The following SMYD3 variants were observed in gnomAD, a reference collection of about 807,000 sequenced individuals.
The protein encoded by SMYD3 is histone-lysine N-methyltransferase SMYD3.
In SMYD3, 36 loss-of-function variants were observed where a neutral mutation model predicts 57.7. The observed-to-expected ratio is 0.62, with a 90% CI of 0.48 to 0.82. The LOEUF (loss-of-function observed/expected upper bound fraction) is 0.82. Ranked by LOEUF, SMYD3 falls within the 40% of genes least tolerant of loss-of-function variation. The pLI is 0.00. For synonymous variants in SMYD3, 211 were observed against 195.0 expected (o/e 1.08, Z -0.68); for missense variants, 515 against 538.8 (o/e 0.96, Z 0.44).
At chr1:246,083,934 T>C (rs913895530) in intron 5 of SMYD3, among the ~76,000 whole-genome samples, 8 of 152,132 alleles carry the variant, frequency 5.3e-5, no homozygotes, top group African/African-American at 1.4e-4. Context: ...TATGAAAAAT[T>C]TGAAAATATG....
chr1:246,029,887 G>A (rs1226091694), intron 5 of SMYD3, among the ~76,000 whole-genome samples: 1 of 151,774 alleles, frequency 6.6e-6, no homozygotes, highest in African/African-American at 2.4e-5. Flanking sequence ...ACACACTGTT[G>A]GTGGGAATGC....
intron 2 of SMYD3, among the ~76,000 whole-genome samples, chr1:246,337,279 T>C (rs1202368838): frequency 2.0e-5 from 3 of 152,204 alleles, no homozygotes; most frequent in Admixed American, 2.0e-4. Context: ...TCCTAAAAGT[T>C]CTAAAAGTCT....
intron 5 of SMYD3, among the ~76,000 whole-genome samples, chr1:245,986,783 A>T (rs893366121): frequency 2.0e-5 from 3 of 152,250 alleles, no homozygotes; most frequent in Admixed American, 6.5e-5. Context: ...TGCTAAGTGC[A>T]TTGAAACAGG....
At chr1:246,364,799 C>G (rs2066072068) in intron 1 of SMYD3, among the ~76,000 whole-genome samples, 1 of 152,180 alleles carries the variant, frequency 6.6e-6, no homozygotes, top group Non-Finnish European at 1.5e-5. Flanking sequence ...AAGCCAAACC[C>G]AAACAATCGG....
At chr1:246,346,829 A>C (rs952941430) in intron 2 of SMYD3, among the ~76,000 whole-genome samples, 1 of 152,236 alleles carries the variant, frequency 6.6e-6, no homozygotes, top group Non-Finnish European at 1.5e-5. Flanking sequence ...GAAGAGACAG[A>C]GCGAGCATTA....
At chr1:246,247,459 CTCTCTCTA>C (rs1558346890) in intron 5 of SMYD3, among the ~76,000 whole-genome samples, 3 of 95,758 alleles carry the variant, frequency 3.1e-5, no homozygotes, top group African/African-American at 1.2e-4. Flanking sequence ...CTCTCTCTCT[CTCTCTCTA>C]TATATATATA....
chr1:246,370,428 G>A (rs2066175571), intron 1 of SMYD3, among the ~76,000 whole-genome samples: 1 of 152,154 alleles, frequency 6.6e-6, no homozygotes, highest in African/African-American at 2.4e-5. Context: ...ACTATTTTGG[G>A]GGACAAGGAA....
intron 5 of SMYD3, among the ~76,000 whole-genome samples, chr1:246,184,469 T>C (rs1280499397): frequency 6.6e-6 from 1 of 152,208 alleles, no homozygotes; most frequent in East Asian, 1.9e-4. Flanking sequence ...AGACTACTTC[T>C]TGCCATCCTC....
At chr1:245,995,593 A>G (rs10802315) in intron 5 of SMYD3, among the ~76,000 whole-genome samples, 121,745 of 152,210 alleles carry the variant, frequency 0.8, 50,365 homozygotes, top group Non-Finnish European at 0.89. Flanking sequence ...GACTCTGCTC[A>G]GTGCCTCAGG....
chr1:246,305,820 G>C (rs1047454663), intron 5 of SMYD3: 1 of 152,172 alleles, frequency 6.6e-6, no homozygotes, highest in Admixed American at 6.5e-5. Flanking sequence ...CTTAATAAAT[G>C]AGTATGATAT....
chr1:245,779,645 C>T (rs1248943860), intron 10 of SMYD3, among the ~76,000 whole-genome samples: 3 of 152,210 alleles, frequency 2.0e-5, no homozygotes, highest in Admixed American at 6.5e-5. Flanking sequence ...AGCTATGAAT[C>T]TTGTTTTATA....
chr1:245,884,263 G>A (rs532827494), intron 8 of SMYD3, among the ~76,000 whole-genome samples: 6 of 152,264 alleles, frequency 3.9e-5, no homozygotes, highest in African/African-American at 1.4e-4. Context: ...GGTTGTCTGG[G>A]GTAAATACCC....
At chr1:246,200,478 C>T (rs368215788) in intron 5 of SMYD3, among the ~76,000 whole-genome samples, 10 of 151,380 alleles carry the variant, frequency 6.6e-5, no homozygotes, top group South Asian at 2.1e-4. Context: ...TGTACACAGA[C>T]GCCCACTGTA....
At chr1:246,156,957 C>T (rs374592234) in intron 5 of SMYD3, among the ~76,000 whole-genome samples, 2 of 152,260 alleles carry the variant, frequency 1.3e-5, no homozygotes, top group Non-Finnish European at 2.9e-5. Flanking sequence ...AACAATCCAA[C>T]GTAGGCACCA....
At chr1:246,071,615 C>CA (rs1228456579) in intron 5 of SMYD3, among the ~76,000 whole-genome samples, 1 of 151,914 alleles carries the variant, frequency 6.6e-6, no homozygotes, top group African/African-American at 2.4e-5. Context: ...CCTTTAAAAA[C>CA]AAAAAAGGCC....
At chr1:245,926,218 A>G (rs970793003) in intron 7 of SMYD3, among the ~76,000 whole-genome samples, 76 of 152,238 alleles carry the variant, frequency 5.0e-4, no homozygotes, top group African/African-American at 1.8e-3. Context: ...ATTTGGGGAT[A>G]AAGTTTTCAA....
chr1:246,405,208 T>C (rs2066841572), intron 1 of SMYD3, among the ~76,000 whole-genome samples: 1 of 152,126 alleles, frequency 6.6e-6, no homozygotes, highest in South Asian at 2.1e-4. Context: ...CATTTCAGCC[T>C]CCCAAAGTTC....
At chr1:245,850,951 T>A (rs140523686) in intron 10 of SMYD3, among the ~76,000 whole-genome samples, 209 of 137,658 alleles carry the variant, frequency 1.5e-3, no homozygotes, top group African/African-American at 5.6e-3. Flanking sequence ...AGGATGACAG[T>A]GTGGAGCTAA....
intron 1 of SMYD3, among the ~76,000 whole-genome samples, chr1:246,491,455 G>A (rs1039991939): frequency 6.6e-6 from 1 of 151,672 alleles, no homozygotes; most frequent in Non-Finnish European, 1.5e-5. Flanking sequence ...CAGGAGAATC[G>A]CTTGAACCCA....
Sources: allele counts gnomAD v4.1 joint callset (sites outside exome capture counted in the v4.1 genomes callset), GRCh38; gene constraint gnomAD v4.1.1; transcripts MANE v1.5; gene names NCBI Gene and HGNC (gene_info 2026-07-23, HGNC 2026-07-21).